Variants in KCNK1 observed in about 807,000 individuals in gnomAD.
KCNK1 encodes potassium channel subfamily K member 1.
Under a neutral mutation model 22.2 loss-of-function variants are expected in KCNK1, and 10 were observed. The observed-to-expected ratio is 0.45, with a 90% CI of 0.28 to 0.76. KCNK1 has a LOEUF of 0.76. KCNK1 is among the 30% of genes least tolerant of loss of function. The pLI is 0.14. For missense variants in KCNK1, 378 were observed against 421.0 expected (o/e 0.90, Z 0.89); for synonymous variants, 200 against 186.4 (o/e 1.07, Z -0.60).
intron 1 of KCNK1, among the ~76,000 whole-genome samples, chr1:233,659,735 T>A (rs1033314137): frequency 3.3e-5 from 5 of 152,048 alleles, no homozygotes; most frequent in Admixed American, 6.6e-5. Flanking sequence ...TCTGGTATAG[T>A]CTGATGGGAC....
intron 1 of KCNK1, among the ~76,000 whole-genome samples, chr1:233,654,635 G>A (rs771185549): frequency 2.0e-5 from 3 of 152,146 alleles, no homozygotes; most frequent in East Asian, 1.9e-4. Context: ...ATGAGATAAC[G>A]GGTACAGTGG....
chr1:233,646,213 G>T (rs1658090933), intron 1 of KCNK1, among the ~76,000 whole-genome samples: 1 of 152,178 alleles, frequency 6.6e-6, no homozygotes, highest in Admixed American at 6.5e-5. Context: ...GGAGTCATTT[G>T]TGTGTCGATC....
intron 1 of KCNK1, among the ~76,000 whole-genome samples, chr1:233,619,195 A>G (rs1463315241): frequency 1.3e-5 from 2 of 149,002 alleles, no homozygotes; most frequent in African/African-American, 5.0e-5. Flanking sequence ...TTTTTTTTTC[A>G]TTTTTCTTTG....
intron 1 of KCNK1, among the ~76,000 whole-genome samples, chr1:233,625,311 G>A (rs1311765363): frequency 6.6e-6 from 1 of 152,182 alleles, no homozygotes; most frequent in Non-Finnish European, 1.5e-5. Flanking sequence ...CTGGAATGGG[G>A]ATTCTTATGA....
intron 2 of KCNK1, 75 bp from the exon 3 acceptor site, chr1:233,671,195 TG>T: frequency 1.5e-6 from 2 of 1,310,354 alleles, no homozygotes; most frequent in Non-Finnish European, 2.2e-6. Context: ...TGGCATGAGG[TG>T]GGGAGGTAAA....
intron 1 of KCNK1, among the ~76,000 whole-genome samples, chr1:233,635,749 C>A (rs1237786725): frequency 2.0e-5 from 3 of 152,054 alleles, no homozygotes; most frequent in Non-Finnish European, 2.9e-5. Flanking sequence ...CATCAGGGAA[C>A]AACAGACTAA....
chr1:233,627,212 C>T (rs1339709720), intron 1 of KCNK1, among the ~76,000 whole-genome samples: 2 of 152,164 alleles, frequency 1.3e-5, no homozygotes, highest in African/African-American at 2.4e-5. Flanking sequence ...GCTCCTTGCT[C>T]ATTATTGATC....
intron 1 of KCNK1, among the ~76,000 whole-genome samples, chr1:233,619,132 T>C (rs767602921): frequency 6.6e-6 from 1 of 152,036 alleles, no homozygotes; most frequent in Non-Finnish European, 1.5e-5. Flanking sequence ...ATCCTCCCAC[T>C]TCAGCCTCCT....
At chr1:233,644,922 A>C (rs1030790206) in intron 1 of KCNK1, among the ~76,000 whole-genome samples, 2 of 149,332 alleles carry the variant, frequency 1.3e-5, no homozygotes, top group Non-Finnish European at 3.0e-5. Context: ...AGACTGGGTG[A>C]GGTGGCTCAC....
At chr1:233,658,812 T>G (rs1000350671) in intron 1 of KCNK1, among the ~76,000 whole-genome samples, 7 of 152,160 alleles carry the variant, frequency 4.6e-5, no homozygotes, top group African/African-American at 1.7e-4. Flanking sequence ...AAAAGATTTT[T>G]TAAAATGGGA....
intron 1 of KCNK1, among the ~76,000 whole-genome samples, chr1:233,644,187 C>T (rs1658050693): frequency 6.6e-6 from 1 of 152,168 alleles, no homozygotes; most frequent in Non-Finnish European, 1.5e-5. Context: ...AAACCCACTC[C>T]CACAAGCCCT....
intron 1 of KCNK1, among the ~76,000 whole-genome samples, chr1:233,642,702 A>ACAG (rs1260362185): frequency 6.6e-6 from 1 of 152,132 alleles, no homozygotes; most frequent in African/African-American, 2.4e-5. Context: ...AAACTAAAAC[A>ACAG]CAGCAGCGGT....
intron 1 of KCNK1, among the ~76,000 whole-genome samples, chr1:233,646,972 C>G (rs933812518): frequency 6.6e-6 from 1 of 152,144 alleles, no homozygotes; most frequent in South Asian, 2.1e-4. Flanking sequence ...ATCTTCCCAC[C>G]AAACTCGAAG....
At chr1:233,629,182 CA>C (rs1657746282) in intron 1 of KCNK1, among the ~76,000 whole-genome samples, 1 of 152,112 alleles carries the variant, frequency 6.6e-6, no homozygotes, top group African/African-American at 2.4e-5. Flanking sequence ...ATCAAAGTCC[CA>C]GAAAGCTGCA....
chr1:233,614,325 C>T lies in KCNK1; in HGVS notation c.154C>T (p.Leu52=), dbSNP rs1657442928. The part of the protein sequence containing the change: ...SSVELPYEDL[L]RQELRKLKRR... Reference sequence around the variant, plus strand: ...GGTGGAGCTGCCCTATGAGGACCTGCTGCGCCAGGAGCTGCGCAAGCTGAA... The same window carrying T: ...GGTGGAGCTGCCCTATGAGGACCTGTTGCGCCAGGAGCTGCGCAAGCTGAA... Residue 52 remains leucine (L), a synonymous_variant, in exon 1 of 3, where the codon CTG becomes TTG. Transcript: ENST00000366621. The T allele has an allele frequency of 2.5e-6, 4 of 1,611,940 alleles. No homozygotes were observed. The South Asian group carries it at 3.3e-5, about 13-fold the overall frequency.
At chr1:233,614,676 T>A in intron 1 of KCNK1, 150 bp downstream of exon 1, 1 of 643,918 alleles carries the variant, frequency 1.6e-6, no homozygotes, top group African/African-American at 1.9e-5. Context: ...CCCCTCACTG[T>A]CCTCCCGACC....
chr1:233,621,000 C>T (rs1168958519), intron 1 of KCNK1, among the ~76,000 whole-genome samples: 2 of 152,150 alleles, frequency 1.3e-5, no homozygotes, highest in African/African-American at 2.4e-5. Flanking sequence ...ATAGGTTGAA[C>T]AACTTCTCTA....
chr1:233,666,460 A>T (rs1658491108), intron 1 of KCNK1, 135 bp from the exon 2 acceptor site: 4 of 739,726 alleles, frequency 5.4e-6, no homozygotes, highest in Non-Finnish European at 8.6e-6. Flanking sequence ...GAGCCCCTAA[A>T]GTGGCAGACC....
In KCNK1 at chr1:233,671,555, A is replaced by G; in HGVS notation, c.*25A>G. On this transcript the variant is annotated 3_prime_UTR_variant, in exon 3 of 3. Coordinates refer to ENST00000366621, the MANE Select transcript of KCNK1 (RefSeq NM_002245.4). The stretch of plus-strand genomic sequence containing the variant: ...AGCGTAGGATTTGTTGCATTATGCT[A>G]GAGCACCAGGGTCAGGGTGCAAGGA... 6.2e-7 allele frequency: 1 copy of G among 1,612,928 alleles called. No individual in the cohort carries two copies. Among genetic ancestry groups the G allele is most frequent in the South Asian group, 1.1e-5 (1 of 91,038 alleles).
Sources: allele counts gnomAD v4.1 joint callset (sites outside exome capture counted in the v4.1 genomes callset), GRCh38; gene constraint gnomAD v4.1.1; transcripts MANE v1.5; gene names NCBI Gene and HGNC (gene_info 2026-07-23, HGNC 2026-07-21).